Variants in ROBO1 observed in about 807,000 individuals in gnomAD.
ROBO1 encodes the protein roundabout homolog 1.
Under a neutral mutation model 195.9 loss-of-function variants are expected in ROBO1, and 149 were observed. The ratio of observed to expected loss-of-function variants is 0.76; its 90% CI spans 0.67 to 0.87. The LOEUF (loss-of-function observed/expected upper bound fraction) is 0.87, where lower values mean the gene tolerates loss of function less well. Ranked by LOEUF, ROBO1 falls within the 40% of genes least tolerant of loss-of-function variation. The pLI, the probability that ROBO1 is intolerant of heterozygous loss-of-function variation, is 0.00. For synonymous variants in ROBO1, 816 were observed against 733.2 expected (o/e 1.11, Z -1.82); for missense variants, 1,933 against 2,068.3 (o/e 0.93, Z 1.27).
intron 5 of ROBO1, among the ~76,000 whole-genome samples, chr3:78,738,174 T>C (rs543653205): frequency 2.0e-5 from 3 of 152,270 alleles, no homozygotes; most frequent in Non-Finnish European, 4.4e-5. Flanking sequence ...AGGAGTGGGC[T>C]GAATGCCAAA....
intron 2 of ROBO1, among the ~76,000 whole-genome samples, chr3:79,518,188 T>A (rs1208635700): frequency 6.6e-6 from 1 of 152,196 alleles, no homozygotes; most frequent in Non-Finnish European, 1.5e-5. Flanking sequence ...GTATGCTAAT[T>A]TTCCTATAAG....
At chr3:79,725,933 A>AT (rs527610198) in intron 1 of ROBO1, among the ~76,000 whole-genome samples, 6,782 of 151,358 alleles carry the variant, frequency 0.045, 216 homozygotes, top group Non-Finnish European at 0.07. Context: ...TAAAAAAAAA[A>AT]GTATATCTGG....
chr3:79,407,988 A>G (rs2037615689), intron 2 of ROBO1, among the ~76,000 whole-genome samples: 1 of 152,080 alleles, frequency 6.6e-6, no homozygotes, highest in African/African-American at 2.4e-5. Context: ...TAAAGGTTCA[A>G]TTCTATGTTA....
intron 2 of ROBO1, among the ~76,000 whole-genome samples, chr3:79,575,505 A>G (rs1201128039): frequency 8.2e-6 from 1 of 122,166 alleles, no homozygotes; most frequent in Non-Finnish European, 1.8e-5. Flanking sequence ...ATAAATATAT[A>G]TAACAAATAT....
At chr3:78,637,987 G>A (rs765488572) in intron 22 of ROBO1, among the ~76,000 whole-genome samples, 2 of 149,952 alleles carry the variant, frequency 1.3e-5, no homozygotes, top group Non-Finnish European at 3.0e-5. Flanking sequence ...TTTTTTTTGG[G>A]GGGGGGAGGG....
intron 4 of ROBO1, among the ~76,000 whole-genome samples, chr3:78,802,901 T>C (rs1387828712): frequency 2.6e-5 from 4 of 152,088 alleles, no homozygotes; most frequent in Admixed American, 2.0e-4. Flanking sequence ...ACAGAAAAGG[T>C]ATACACATTT....
chr3:79,593,568 G>T (rs1944070299), intron 1 of ROBO1, among the ~76,000 whole-genome samples: 1 of 151,544 alleles, frequency 6.6e-6, no homozygotes, highest in South Asian at 2.1e-4. Flanking sequence ...TGAGGTATTT[G>T]TTAAGTCTTT....
intron 2 of ROBO1, among the ~76,000 whole-genome samples, chr3:79,577,618 G>T (rs1943528356): frequency 6.6e-6 from 1 of 151,966 alleles, no homozygotes; most frequent in Non-Finnish European, 1.5e-5. Flanking sequence ...GGACATACCT[G>T]TAATCCCAGC....
chr3:79,461,143 T>A (rs558301373), intron 2 of ROBO1, among the ~76,000 whole-genome samples: 1 of 152,284 alleles, frequency 6.6e-6, no homozygotes, highest in African/African-American at 2.4e-5. Context: ...CAAGCTAAGT[T>A]GTAACCAAAA....
At chr3:79,483,446 C>G (rs1014120316) in intron 2 of ROBO1, among the ~76,000 whole-genome samples, 3 of 152,126 alleles carry the variant, frequency 2.0e-5, no homozygotes, top group African/African-American at 7.2e-5. Context: ...GATGAAAATG[C>G]AGTCATGTAT....
chr3:79,758,687 A>G (rs1000381200), intron 1 of ROBO1, among the ~76,000 whole-genome samples: 24 of 152,188 alleles, frequency 1.6e-4, no homozygotes, highest in Admixed American at 1.3e-4. Context: ...AATGAGTTGG[A>G]AACAGAGTGG....
At chr3:79,513,156 A>G (rs1301892620) in intron 2 of ROBO1, among the ~76,000 whole-genome samples, 2 of 152,164 alleles carry the variant, frequency 1.3e-5, no homozygotes, top group Admixed American at 1.3e-4. Flanking sequence ...AGTATATTTA[A>G]TGAAGTGTAG....
chr3:79,223,572 G>A (rs767814577), intron 2 of ROBO1, among the ~76,000 whole-genome samples: 2 of 152,070 alleles, frequency 1.3e-5, no homozygotes, highest in Admixed American at 1.3e-4. Flanking sequence ...GAAAAAGCAC[G>A]CACATCAGCA....
intron 2 of ROBO1, among the ~76,000 whole-genome samples, chr3:79,422,633 A>G (rs2038274254): frequency 6.6e-6 from 1 of 152,158 alleles, no homozygotes; most frequent in Non-Finnish European, 1.5e-5. Context: ...GTTTGGAAAT[A>G]AGAATGGTCT....
At chr3:79,753,290 T>TA (rs77783199) in intron 1 of ROBO1, among the ~76,000 whole-genome samples, 167 of 145,382 alleles carry the variant, frequency 1.1e-3, no homozygotes, top group Middle Eastern at 3.6e-3. Flanking sequence ...TACTGGGATT[T>TA]AAAAAAAAAA....
chr3:79,761,012 A>C (rs1048443095), intron 1 of ROBO1, among the ~76,000 whole-genome samples: 2 of 149,630 alleles, frequency 1.3e-5, no homozygotes, highest in Non-Finnish European at 3.0e-5. Flanking sequence ...AGAGAGAAAA[A>C]CATAAAATAT....
chr3:79,567,005 A>C (rs1474143273), intron 2 of ROBO1, among the ~76,000 whole-genome samples: 1 of 152,138 alleles, frequency 6.6e-6, no homozygotes, highest in Non-Finnish European at 1.5e-5. Flanking sequence ...AATCAACCTA[A>C]ATGCCCATCA....
intron 4 of ROBO1, among the ~76,000 whole-genome samples, chr3:78,772,733 G>C (rs1032998125): frequency 3.9e-5 from 6 of 151,980 alleles, no homozygotes; most frequent in African/African-American, 9.7e-5. Context: ...TACTCAGATA[G>C]GTAAAAACCT....
chr3:79,018,644 G>A, intron 3 of ROBO1: 1 of 1,415,344 alleles, frequency 7.1e-7, no homozygotes, highest in South Asian at 1.6e-5. Flanking sequence ...GTATCTCAGA[G>A]ACTTTTGCAG....
Sources: gnomAD v4.1 joint callset for allele counts (sites outside exome capture counted in the v4.1 genomes callset) on GRCh38, gnomAD v4.1.1 for gene constraint, MANE v1.5 for transcripts, NCBI Gene and HGNC (gene_info 2026-07-23, HGNC 2026-07-21) for gene names.